LRBA: variants seen among roughly 807,000 people sequenced by gnomAD.
LRBA encodes LPS responsive beige-like anchor protein, also known as lipopolysaccharide-responsive and beige-like anchor protein.
Under a neutral mutation model 330.0 loss-of-function variants are expected in LRBA, and 176 were observed. The ratio of observed to expected loss-of-function variants is 0.53; its 90% confidence interval spans 0.47 to 0.60. The LOEUF (loss-of-function observed/expected upper bound fraction) is 0.60, where lower values mean the gene tolerates loss of function less well. LRBA is among the 20% of genes least tolerant of loss of function. LRBA has a pLI of 0.00. For missense variants in LRBA, 3,259 were observed against 3,444.8 expected (o/e 0.95, Z 1.35); for synonymous variants, 1,230 against 1,193.0 (o/e 1.03, Z -0.64).
rs529906804 is a variant in LRBA, at chr4:150,998,353, C to CA, written c.216+16073dup. On this transcript the variant is annotated intron_variant, in intron 2 of 56. Transcript: ENST00000651943. ...GGGTAACGAGAACGAAACTCCGTCTCAAAAAAAAAAAAAAAAGAGAGATAG... is the reference window on the plus strand; with the variant it reads ...GGGTAACGAGAACGAAACTCCGTCTCAAAAAAAAAAAAAAAAAGAGAGATAG... 5.0e-3 allele frequency among the ~76,000 whole-genome samples: 428 copies of CA among 85,098 alleles called. 1 individual carries two copies. Among genetic ancestry groups the CA allele is most frequent in the Middle Eastern group, 0.015 (2 of 130 alleles). The allele number at this position is 85,098 out of a possible 152,430, so 55.8% of individuals were successfully genotyped here.
chr4:150,624,281 T>TA (rs1004429797), intron 37 of LRBA, among the ~76,000 whole-genome samples: 39 of 142,006 alleles, frequency 2.7e-4, no homozygotes, highest in African/African-American at 1.0e-3. Context: ...CTTTCCTCTG[T>TA]ATAACAATGC....
chr4:151,000,827 A>G (rs929374928), intron 2 of LRBA, among the ~76,000 whole-genome samples: 5 of 152,260 alleles, frequency 3.3e-5, no homozygotes, highest in African/African-American at 7.2e-5. Context: ...ACTGGAATTC[A>G]ATAGAAAAAT....
At chr4:150,864,359 T>A (rs116438463) in intron 22 of LRBA, among the ~76,000 whole-genome samples, 2,010 of 152,260 alleles carry the variant, frequency 0.013, 37 homozygotes, top group Non-Finnish European at 0.016. Context: ...TTAACCCACT[T>A]AAAAATAATA....
At chr4:150,281,868 A>G (rs528423327) in intron 55 of LRBA, among the ~76,000 whole-genome samples, 8 of 152,358 alleles carry the variant, frequency 5.3e-5, no homozygotes, top group African/African-American at 1.9e-4. Flanking sequence ...GCAAGAGCCC[A>G]GAAGGTCCAC....
chr4:150,981,663 A>C (rs1740849842), intron 2 of LRBA, among the ~76,000 whole-genome samples: 1 of 152,018 alleles, frequency 6.6e-6, no homozygotes, highest in South Asian at 2.1e-4. Context: ...CAAAGGTGCC[A>C]AGAACACACA....
intron 36 of LRBA, among the ~76,000 whole-genome samples, chr4:150,724,798 A>C (rs1049730092): frequency 5.3e-5 from 8 of 150,846 alleles, no homozygotes; most frequent in African/African-American, 1.9e-4. Flanking sequence ...TTGATATCCC[A>C]CCACTGCACT....
At chr4:150,694,970 G>A (rs920679913) in intron 36 of LRBA, among the ~76,000 whole-genome samples, 8 of 151,760 alleles carry the variant, frequency 5.3e-5, no homozygotes, top group African/African-American at 1.5e-4. Flanking sequence ...AAAACAAGCC[G>A]ACACTAATAA....
chr4:150,318,879 C>A (rs925090604), intron 50 of LRBA, among the ~76,000 whole-genome samples: 8 of 152,120 alleles, frequency 5.3e-5, no homozygotes, highest in Non-Finnish European at 1.0e-4. Flanking sequence ...CCCTAGCTAT[C>A]TTACAGAAAG....
At chr4:150,383,763 G>C (rs902877646) in intron 47 of LRBA, among the ~76,000 whole-genome samples, 1 of 151,996 alleles carries the variant, frequency 6.6e-6, no homozygotes, top group East Asian at 1.9e-4. Context: ...TTAACAAAAT[G>C]CAAGTAGCAA....
intron 22 of LRBA, among the ~76,000 whole-genome samples, chr4:150,864,711 A>T (rs1214905139): frequency 7.2e-6 from 1 of 138,478 alleles, no homozygotes; most frequent in Non-Finnish European, 1.5e-5. Context: ...TAGTGGTATG[A>T]TCTTGGCTCA....
intron 37 of LRBA, among the ~76,000 whole-genome samples, chr4:150,626,260 C>T (rs1014063154): frequency 2.0e-5 from 3 of 152,170 alleles, no homozygotes; most frequent in Non-Finnish European, 2.9e-5. Context: ...CCCTTCAAAA[C>T]TGGCACCTAC....
At chr4:150,952,387 C>T (rs1316605141) in intron 2 of LRBA, among the ~76,000 whole-genome samples, 1 of 152,064 alleles carries the variant, frequency 6.6e-6, no homozygotes, top group Non-Finnish European at 1.5e-5. Flanking sequence ...AGACAATAAA[C>T]TATTAACAAT....
intron 46 of LRBA, among the ~76,000 whole-genome samples, chr4:150,420,420 TATATATAAAGTATATATAATACATATATA>T (rs1219449506): frequency 3.9e-5 from 4 of 102,094 alleles, no homozygotes; most frequent in African/African-American, 1.2e-4. Context: ...CACATTATAG[TATATATAAAGTATATATAATACATATATA>T]ATATATAAAG....
chr4:150,458,798 A>T (rs578147283), intron 44 of LRBA, among the ~76,000 whole-genome samples: 127 of 143,566 alleles, frequency 8.8e-4, no homozygotes, highest in African/African-American at 2.3e-3. Flanking sequence ...TTTTTTTTTT[A>T]AAAAAACACT....
At chr4:150,933,949 G>A (rs1480584783) in intron 2 of LRBA, among the ~76,000 whole-genome samples, 3 of 151,714 alleles carry the variant, frequency 2.0e-5, no homozygotes, top group African/African-American at 7.3e-5. Flanking sequence ...GCTTGAGTCC[G>A]AAAGGCAGAG....
rs1414393876 is a variant in LRBA, at chr4:150,914,315, T to G, written c.1041A>C (p.Ser347=). ...SDTFDKCFLG[S]SETADANRVF... The stretch of plus-strand genomic sequence containing the variant: ...CTCTATTAGCATCTGCTGTTTCTGA[T>G]GAGCCCAGGAAACATTTGTCAAAGG... Residue 347 remains serine, a synonymous_variant, in exon 9 of 57, where the codon TCA becomes TCC. Coordinates refer to ENST00000651943, the MANE Select transcript of LRBA (RefSeq NM_001364905.1). 7 of 1,574,804 alleles carry G rather than the reference T, an allele frequency of 4.4e-6. No individual in the cohort carries two copies. Among genetic ancestry groups the G allele is most frequent in the Non-Finnish European group, 6.0e-6 (7 of 1,158,410 alleles).
intron 42 of LRBA, among the ~76,000 whole-genome samples, chr4:150,473,737 G>A (rs1756407693): frequency 6.6e-6 from 1 of 152,074 alleles, no homozygotes; most frequent in South Asian, 2.1e-4. Flanking sequence ...GCTTTCCTGG[G>A]TCTCCAGCTG....
At chr4:150,361,580 T>C (rs1271030258) in intron 47 of LRBA, among the ~76,000 whole-genome samples, 1 of 152,116 alleles carries the variant, frequency 6.6e-6, no homozygotes, top group Non-Finnish European at 1.5e-5. Flanking sequence ...CATTTCTGAT[T>C]TTCCTATTCA....
intron 2 of LRBA, among the ~76,000 whole-genome samples, chr4:150,954,099 T>C (rs1737235830): frequency 6.6e-6 from 1 of 151,476 alleles, no homozygotes; most frequent in South Asian, 2.1e-4. Flanking sequence ...CCGCCCCGTC[T>C]GGGAAGTGAG....
Sources: gnomAD v4.1 joint callset for allele counts (sites outside exome capture counted in the v4.1 genomes callset) on GRCh38, gnomAD v4.1.1 for gene constraint, MANE v1.5 for transcripts, NCBI Gene and HGNC (gene_info 2026-07-23, HGNC 2026-07-21) for gene names.